MFAP3L: variants seen among roughly 807,000 people sequenced by gnomAD.
The protein encoded by MFAP3L is microfibrillar-associated protein 3-like.
MFAP3L carries 5 observed loss-of-function variants against 20.0 expected under a neutral mutation model. The ratio of observed to expected loss-of-function variants is 0.25; its 90% CI spans 0.13 to 0.53. MFAP3L has a LOEUF of 0.53. Ranked by LOEUF, MFAP3L falls within the 20% of genes least tolerant of loss-of-function variation. The pLI, the probability that MFAP3L is intolerant of heterozygous loss-of-function variation, is 0.96. For synonymous variants in MFAP3L, 219 were observed against 213.0 expected (o/e 1.03, Z -0.25); for missense variants, 409 against 527.5 (o/e 0.78, Z 2.20).
chr4:170,010,292 T>C (rs78200422), intron 1 of MFAP3L, among the ~76,000 whole-genome samples: 2,010 of 152,280 alleles, frequency 0.013, 45 homozygotes, highest in African/African-American at 0.046. Flanking sequence ...AAATATTTTC[T>C]TTTGCGATTA....
chr4:169,997,782 T>A (rs1581464858), intron 2 of MFAP3L: 1 of 981,838 alleles, frequency 1.0e-6, no homozygotes, highest in East Asian at 1.2e-4. Flanking sequence ...CCTGCCCAGC[T>A]CGGCCTCCTT....
rs185509946 is a variant in MFAP3L, at chr4:170,001,782, G to A, written c.298+3798C>T. 9.1e-4 allele frequency among the ~76,000 whole-genome samples: 138 copies of A among 152,288 alleles called. 2 individuals are homozygous for A. The highest frequency in any genetic ancestry group is 7.6e-3 in the Admixed American group (117 of 15,306). ...GTGGACTACCTCAAACAGGTTCTTT[G>A]CTGAACTACAAAAACAAAAGTCTTC... On this transcript the variant is annotated intron_variant, in intron 2 of 2. Transcript: ENST00000361618.
At chr4:170,001,277 A>G (rs17628510) in intron 2 of MFAP3L, among the ~76,000 whole-genome samples, 7,314 of 152,322 alleles carry the variant, frequency 0.048, 255 homozygotes, top group Non-Finnish European at 0.075. Flanking sequence ...AGAAACCTGC[A>G]AAAGTAGAGG....
intron 1 of MFAP3L, among the ~76,000 whole-genome samples, chr4:170,025,683 G>A (rs1740308229): frequency 6.6e-6 from 1 of 152,178 alleles, no homozygotes; most frequent in East Asian, 1.9e-4. Context: ...GGAGTCAAAT[G>A]CGACAAACTC....
In MFAP3L at chr4:169,992,765, G is replaced by C. The variant is rs1164514964; in HGVS notation, c.299-456C>G. The stretch of plus-strand genomic sequence containing the variant: ...GCAACTGGTTCTCTAACCTGCCAGT[G>C]AGCATGCCTCCATTGAATATATGTT... On this transcript the variant is annotated intron_variant, in intron 2 of 2. Transcript: ENST00000361618. The surrounding 1 kb of genome is among the most constrained non-coding windows in gnomAD (Gnocchi z 4.3). Among the ~76,000 whole-genome samples, 1 of 152,222 alleles carries C rather than the reference G, an allele frequency of 6.6e-6. No homozygotes were observed. Among genetic ancestry groups the C allele is most frequent in the Non-Finnish European group, 1.5e-5 (1 of 68,036 alleles).
At chr4:170,026,961 T>C (rs1314346743), upstream of MFAP3L, 1 of 152,146 alleles carries the variant, frequency 6.6e-6, no homozygotes, top group Non-Finnish European at 1.5e-5. Flanking sequence ...TAAACGTCTC[T>C]TAAAGCAAAG....
rs139509171 is a variant in MFAP3L, at chr4:169,993,415, C to G, written c.299-1106G>C. ...TCCTGAGAGCTGGGGCAACTGAACG[C>G]AGTTTCAAGTATCTATTATTGCACT... On this transcript the variant is annotated intron_variant, in intron 2 of 2. Transcript: ENST00000361618. 1.5e-3 allele frequency: 223 copies of G among 152,328 alleles called. 1 individual carries two copies. The highest frequency in any genetic ancestry group is 5.0e-3 in the African/African-American group (209 of 41,564). 9.4% of individuals were successfully genotyped at this position (152,328 alleles called of 1,614,324 possible).
At chr4:169,994,525 G>T (rs1485438266) in intron 2 of MFAP3L, 1 of 974,556 alleles carries the variant, frequency 1.0e-6, no homozygotes, top group Non-Finnish European at 1.2e-6. Flanking sequence ...TTCCTCTATT[G>T]AATATTTAAA....
chr4:170,023,754 T>C (rs1414158423), intron 1 of MFAP3L, among the ~76,000 whole-genome samples: 1 of 152,192 alleles, frequency 6.6e-6, no homozygotes, highest in East Asian at 1.9e-4. Flanking sequence ...TAGGCTGTGT[T>C]GAGGTTAAAA....
chr4:170,010,638 C>G (rs993487098), intron 1 of MFAP3L, among the ~76,000 whole-genome samples: 1 of 152,166 alleles, frequency 6.6e-6, no homozygotes, highest in Non-Finnish European at 1.5e-5. Flanking sequence ...TAATAACAGT[C>G]TTTTCTCTAG....
chr4:170,014,984 T>A (rs1035311908), intron 1 of MFAP3L, among the ~76,000 whole-genome samples: 4 of 152,166 alleles, frequency 2.6e-5, no homozygotes, highest in African/African-American at 9.7e-5. Flanking sequence ...ACATCGAGTG[T>A]TCTTAGCAAC....
At position 170,008,206 on chromosome 4, in the gene MFAP3L, T is replaced by G. The variant is rs188463078; in HGVS notation, c.-133-2196A>C. Among the ~76,000 whole-genome samples the G allele has an allele frequency of 4.9e-4, 75 of 152,208 alleles. 1 individual carries two copies. The highest frequency in any genetic ancestry group is 1.6e-3 in the African/African-American group (68 of 41,546). ...CTTTCGTTTTATGCAGGGATTTCAG[T>G]TAGCAAAATGTTTTCCCTCTTCCTC... On this transcript the variant is annotated intron_variant, in intron 1 of 2. Coordinates refer to ENST00000361618, the MANE Select transcript of MFAP3L (RefSeq NM_021647.8).
chr4:169,998,930 G>A (rs758613766), intron 2 of MFAP3L, among the ~76,000 whole-genome samples: 1 of 152,162 alleles, frequency 6.6e-6, no homozygotes, highest in African/African-American at 2.4e-5. Flanking sequence ...GCGTAGAATC[G>A]GCACCCTTTG....
chr4:170,002,694 G>A (rs11935703), intron 2 of MFAP3L, among the ~76,000 whole-genome samples: 11,653 of 151,824 alleles, frequency 0.077, 505 homozygotes, highest in African/African-American at 0.13. Context: ...ATTTTTAGCA[G>A]AGACAGGGTT....
rs751263509 is a variant in MFAP3L, at chr4:169,992,215, G to A, written c.393C>T (p.Tyr131=). Residue 131 remains tyrosine (Y), a synonymous_variant, in exon 3 of 3, where the codon TAC becomes TAT. Transcript: ENST00000361618. The surrounding 1 kb of genome is among the most constrained non-coding windows in gnomAD (Gnocchi z 4.3). ...AGGTCACCGTGTTGTTCACGGTGCC[G>A]TAGATGTTAGAAGCCACACACGTGT... ...GKYTCVASNI[Y]GTVNNTVTLR... is the part of the protein sequence containing the mutation. 56 of 1,614,030 alleles carry A rather than the reference G, an allele frequency of 3.5e-5. No homozygotes were observed. Among genetic ancestry groups the A allele is most frequent in the South Asian group, 5.5e-5 (5 of 91,086 alleles).
At chr4:170,001,180 G>A (rs905471893) in intron 2 of MFAP3L, among the ~76,000 whole-genome samples, 1 of 152,166 alleles carries the variant, frequency 6.6e-6, no homozygotes, top group Non-Finnish European at 1.5e-5. Context: ...AAGTAGGGAG[G>A]TGATAACTAC....
chr4:170,014,169 C>T (rs895419401), intron 1 of MFAP3L, among the ~76,000 whole-genome samples: 33 of 151,982 alleles, frequency 2.2e-4, no homozygotes, highest in African/African-American at 7.3e-4. Flanking sequence ...CAACATCTCC[C>T]CCCTTTAAAA....
intron 1 of MFAP3L, among the ~76,000 whole-genome samples, chr4:170,009,630 T>C (rs1388307683): frequency 6.6e-6 from 1 of 152,142 alleles, no homozygotes; most frequent in African/African-American, 2.4e-5. Flanking sequence ...CTCATAATCT[T>C]TGGGAAAACT....
chr4:170,007,762 G>A (rs544226259), intron 1 of MFAP3L, among the ~76,000 whole-genome samples: 1 of 152,226 alleles, frequency 6.6e-6, no homozygotes, highest in South Asian at 2.1e-4. Flanking sequence ...GTATTCTGTG[G>A]TGAGCATGTT....
Sources: gnomAD v4.1 joint callset for allele counts (sites outside exome capture counted in the v4.1 genomes callset) on GRCh38, gnomAD v4.1.1 for gene constraint, Gnocchi (gnomAD v3.1) non-coding constraint, MANE v1.5 for transcripts, NCBI Gene and HGNC (gene_info 2026-07-23, HGNC 2026-07-21) for gene names.